The following KRT20 variants were observed in gnomAD, a reference collection of about 807,000 sequenced individuals.
KRT20 encodes the protein keratin, type I cytoskeletal 20.
Under a neutral mutation model 43.0 loss-of-function variants are expected in KRT20, and 41 were observed. The ratio of observed to expected loss-of-function variants is 0.95; its 90% CI spans 0.74 to 1.24. The LOEUF is 1.24. Ranked by LOEUF, KRT20 falls within the 50% of genes most tolerant of loss-of-function variation. The pLI is 0.00. For synonymous variants in KRT20, 207 were observed against 200.6 expected, an observed-to-expected ratio of 1.03 and a Z score of -0.27; for missense variants, 533 against 521.2, an observed-to-expected ratio of 1.02 and a Z score of -0.22.
intron 2 of KRT20, among the ~76,000 whole-genome samples, chr17:40,881,971 C>T (rs1907620803): frequency 6.6e-6 from 1 of 151,570 alleles, no homozygotes; most frequent in Admixed American, 6.6e-5. Flanking sequence ...CTCCCAGGTT[C>T]AAGCGATTCT....
At chr17:40,877,326 GT>G (rs1907392888) in intron 7 of KRT20, 53 bp downstream of exon 7, 1 of 1,270,450 alleles carries the variant, frequency 7.9e-7, no homozygotes, top group Admixed American at 2.5e-5. Flanking sequence ...GTGGCATGTA[GT>G]TAATAGAAAG....
Position 40,885,075 on chromosome 17 carries a change from C to T in KRT20, c.111G>A (p.Gly37=). 6.2e-7 allele frequency: 1 copy of T among 1,614,156 alleles called. No homozygotes were observed. The highest frequency in any genetic ancestry group is 8.5e-7 in the Non-Finnish European group (1 of 1,180,030). ...TGCGGATGCCCCGGCCTCCAGCACC[C>T]CCATAAACGCTGGGTGTCGTCCCGA... ...QRLGTTPSVY[G]GAGGRGIRIS... Residue 37 remains glycine (G), a synonymous_variant, in exon 1 of 8, where the codon GGG becomes GGA. Coordinates refer to ENST00000167588, the MANE Select transcript of KRT20 (RefSeq NM_019010.3).
At position 40,884,979 on chromosome 17, in the gene KRT20, A is replaced by C; in HGVS notation, c.207T>G (p.Asn69Lys). 6.2e-7 allele frequency: 1 copy of C among 1,614,122 alleles called. No homozygotes were observed. Among genetic ancestry groups the C allele is most frequent in the Non-Finnish European group, 8.5e-7 (1 of 1,180,026 alleles). ...LTGGGDLFVG[N>K]EKMAMQNLND... ...TTAGGTTCTGCATGGCCATTTTCTC[A>C]TTGCCAACAAACAGGTCCCCGCCGC... The change falls in exon 1 of 8, where the codon AAT becomes AAG. Residue 69 changes from asparagine to lysine, a missense_variant. Asn to Lys is a moderately conservative substitution (Grantham distance 94). Transcript: ENST00000167588.
At chr17:40,880,075 T>TC in intron 4 of KRT20, 25 bp downstream of exon 4, 2 of 1,603,126 alleles carry the variant, frequency 1.2e-6, no homozygotes, top group South Asian at 1.1e-5. Context: ...ACACGTTTGC[T>TC]CACCCTTTAG....
rs1907512665 is a variant in KRT20, at chr17:40,879,858, G to A, written c.873C>T (p.Arg291=). The A allele has an allele frequency of 3.7e-6, 6 of 1,613,362 alleles. No individual in the cohort carries two copies. The highest frequency in any genetic ancestry group is 1.6e-4 in the Middle Eastern group (1 of 6,062). ...GTEVQLTELR[R]TSQSLEIELQ... is the part of the protein sequence containing the mutation. The stretch of plus-strand genomic sequence containing the variant: ...GTTCTATCTCAAGGCTCTGGGAGGT[G>A]CGTCTCAGCTCCGTTAGTTGAACCT... The change falls in exon 5 of 8, where the codon CGC becomes CGT. Residue 291 remains arginine (R), a synonymous_variant. Coordinates refer to ENST00000167588, the MANE Select transcript of KRT20 (RefSeq NM_019010.3).
intron 2 of KRT20, among the ~76,000 whole-genome samples, chr17:40,881,162 C>T (rs1042204181): frequency 6.6e-6 from 1 of 151,996 alleles, no homozygotes; most frequent in African/African-American, 2.4e-5. Context: ...ACTTTGTGAA[C>T]AGAGACATCC....
chr17:40,877,915 T>C (rs1406761081), intron 6 of KRT20, among the ~76,000 whole-genome samples: 1 of 152,138 alleles, frequency 6.6e-6, no homozygotes, highest in Non-Finnish European at 1.5e-5. Context: ...CTCCAAATGA[T>C]CATGTGGTAG....
chr17:40,881,355 C>T (rs1907589351), intron 2 of KRT20, among the ~76,000 whole-genome samples: 1 of 151,878 alleles, frequency 6.6e-6, no homozygotes, highest in South Asian at 2.1e-4. Flanking sequence ...CTCAAGCAAT[C>T]CTCTCACCTC....
At chr17:40,884,671 T>G in intron 1 of KRT20, 125 bp downstream of exon 1, 2 of 1,082,608 alleles carry the variant, frequency 1.8e-6, no homozygotes, top group South Asian at 3.3e-5. Flanking sequence ...GAAAGAATTT[T>G]TATAGATGTA....
At position 40,885,120 on chromosome 17, in the gene KRT20, A is replaced by G; in HGVS notation, c.66T>C (p.Ser22=). 4 of 1,613,420 alleles carry G rather than the reference A, an allele frequency of 2.5e-6. No homozygotes were observed. Among genetic ancestry groups the G allele is most frequent in the Non-Finnish European group, 3.4e-6 (4 of 1,179,972 alleles). Residue 22 remains serine (S), a synonymous_variant, in exon 1 of 8, where the codon AGT becomes AGC. Coordinates refer to ENST00000167588, the MANE Select transcript of KRT20 (RefSeq NM_019010.3). ...LSSSLQAPVV[S]TVGMQRLGTT... is the part of the protein sequence containing the mutation. The stretch of plus-strand genomic sequence containing the variant: ...TCCCGAGGCGCTGCATGCCCACTGT[A>G]CTGACTACAGGGGCCTGCAAGGAGG...
In KRT20 at chr17:40,876,344, C is replaced by G; in HGVS notation, c.*17G>C. The G allele has an allele frequency of 6.5e-7, 1 of 1,540,602 alleles. No individual in the cohort carries two copies. The highest frequency in any genetic ancestry group is 9.0e-7 in the Non-Finnish European group (1 of 1,113,422). On this transcript the variant is annotated 3_prime_UTR_variant, in exon 8 of 8. Coordinates refer to ENST00000167588, the MANE Select transcript of KRT20 (RefSeq NM_019010.3). The stretch of plus-strand genomic sequence containing the variant: ...ATTTCTTTCAAAACCTCAGCAGCAT[C>G]TCCTTCTGGTAGCTATTTAGATATT...
intron 2 of KRT20, among the ~76,000 whole-genome samples, chr17:40,881,191 C>T (rs1907580072): frequency 6.6e-6 from 1 of 151,786 alleles, no homozygotes; most frequent in Admixed American, 6.6e-5. Flanking sequence ...TTATCTCAAA[C>T]AGCTCTACAT....
In KRT20 at chr17:40,878,200, G is replaced by A. The variant is rs574660500; in HGVS notation, c.1084C>T (p.Arg362Ter). 6 of 1,614,034 alleles carry A rather than the reference G, an allele frequency of 3.7e-6. No individual in the cohort carries two copies. The East Asian group carries it at 8.9e-5, about 24-fold the overall frequency. ...EYHILLDIKT[R>*]LEQEIATYRR... ...TAAGTAGCAATTTCCTGTTCAAGTC[G>A]AGTCTTTATGTCAAGAAGGATATGG... The change falls in exon 6 of 8, where the codon CGA becomes TGA. Residue 362 changes from arginine to a stop codon, truncating the protein, a stop_gained. Transcript: ENST00000167588. LOFTEE classifies it high-confidence loss of function.
intron 2 of KRT20, 30 bp downstream of exon 2, chr17:40,882,542 G>T (rs1376568333): frequency 7.6e-7 from 1 of 1,319,766 alleles, no homozygotes; most frequent in South Asian, 1.4e-5. Context: ...TTCTTTTTCA[G>T]AAACTTTTGC....
chr17:40,876,954 A>T (rs2143293484), intron 7 of KRT20, among the ~76,000 whole-genome samples: 1 of 152,264 alleles, frequency 6.6e-6, no homozygotes, highest in African/African-American at 2.4e-5. Context: ...CCAATGTAAC[A>T]GTGTTGGGAG....
intron 1 of KRT20, 130 bp from the exon 2 acceptor site, chr17:40,882,784 A>G: frequency 4.2e-6 from 1 of 237,524 alleles, no homozygotes; most frequent in Non-Finnish European, 7.9e-6. Context: ...ATCTCGGCTC[A>G]CTGTAACCTC....
Position 40,878,259 on chromosome 17 carries a change from A to G in KRT20, c.1025T>C (p.Ile342Thr), listed in dbSNP as rs779398705. Residue 342 changes from isoleucine to threonine, a missense_variant, in exon 6 of 8, where the codon ATT becomes ACT. Ile to Thr is a moderately conservative substitution (Grantham distance 89, BLOSUM62 -1). Transcript: ENST00000167588. ...LSSLEAQLMQIRSNMERQNNE... is the reference protein window; with the variant it reads ...LSSLEAQLMQTRSNMERQNNE... ...GTTCTGGCGTTCCATGTTACTCCGAATCTGCATCAGTTGGGCCTCCAGAGA... is the reference window on the plus strand; with the variant it reads ...GTTCTGGCGTTCCATGTTACTCCGAGTCTGCATCAGTTGGGCCTCCAGAGA... The G allele has an allele frequency of 6.2e-7, 1 of 1,614,050 alleles. No homozygotes were observed. Among genetic ancestry groups the G allele is most frequent in the Non-Finnish European group, 8.5e-7 (1 of 1,180,010 alleles).
At chr17:40,880,308 C>A in intron 3 of KRT20, 47 bp from the exon 4 acceptor site, 1 of 1,539,370 alleles carries the variant, frequency 6.5e-7, no homozygotes, top group Non-Finnish European at 8.8e-7. Flanking sequence ...AGCACATTCT[C>A]AGATAAGGCT....
intron 1 of KRT20, among the ~76,000 whole-genome samples, chr17:40,884,464 G>A (rs28376496): frequency 1.3e-5 from 2 of 152,100 alleles, no homozygotes; most frequent in Non-Finnish European, 1.5e-5. Context: ...GATTTATCAC[G>A]TAATTAATTT....
Sources: gnomAD v4.1 joint callset for allele counts (sites outside exome capture counted in the v4.1 genomes callset) on GRCh38, gnomAD v4.1.1 for gene constraint, MANE v1.5 for transcripts, NCBI Gene and HGNC (gene_info 2026-07-23, HGNC 2026-07-21) for gene names.